Variants in GABRA3 observed in about 807,000 individuals in gnomAD.
GABRA3 encodes gamma-aminobutyric acid receptor subunit alpha-3.
A neutral mutation model predicts 30.1 loss-of-function variants in GABRA3; 10 were observed. The ratio of observed to expected loss-of-function variants is 0.33; its 90% confidence interval spans 0.20 to 0.56. The LOEUF is 0.56. Ranked by LOEUF, GABRA3 falls within the 20% of genes least tolerant of loss-of-function variation. The probability of loss-of-function intolerance (pLI) is 0.89; values close to 1 mark genes in which losing one functional copy is unlikely to be tolerated. For synonymous variants in GABRA3, 151 were observed against 146.8 expected, an observed-to-expected ratio of 1.03 and a Z score of -0.21; for missense variants, 233 against 392.0, an observed-to-expected ratio of 0.59 and a Z score of 3.42.
intron 1 of GABRA3, among the ~76,000 whole-genome samples, chrX:152,404,487 T>A (rs1173431807): frequency 9.1e-6 from 1 of 110,178 alleles, no homozygotes; most frequent in Non-Finnish European, 1.9e-5. Context: ...GAAAGGGACA[T>A]CCCAGAAAGA....
Position 152,213,410 on chromosome X carries a change from CATGCT to C in GABRA3, c.635-5271_635-5267del, listed in dbSNP as rs752996507. Among the ~76,000 whole-genome samples the C allele has an allele frequency of 9.7e-3, 1,079 of 111,228 alleles. 7 individuals are homozygous for C. Among genetic ancestry groups the C allele is most frequent in the African/African-American group, 0.034 (1,032 of 30,589 alleles). On this transcript the variant is annotated intron_variant, in intron 6 of 9. Coordinates refer to ENST00000370314, the MANE Select transcript of GABRA3 (RefSeq NM_000808.4). ...TAAATAATATAGTAACAGAGTGATG[CATGCT>C]ATGAAGAAAATAGAGTTACAGGGTG...
At chrX:152,278,459 A>G (rs1211061778) in intron 4 of GABRA3, among the ~76,000 whole-genome samples, 2 of 111,408 alleles carry the variant, frequency 1.8e-5, no homozygotes, top group African/African-American at 6.5e-5. Context: ...TTATGGCTGC[A>G]TAGTATTCCA....
chrX:152,419,267 T>C (rs1011578967), intron 1 of GABRA3, among the ~76,000 whole-genome samples: 7 of 110,824 alleles, frequency 6.3e-5, no homozygotes, highest in African/African-American at 2.3e-4. Flanking sequence ...GTTGTGCACA[T>C]GTACCCTAAA....
chrX:152,271,479 G>C (rs144127836), intron 4 of GABRA3, among the ~76,000 whole-genome samples: 59 of 112,238 alleles, frequency 5.3e-4, no homozygotes, highest in African/African-American at 1.8e-3. Flanking sequence ...TAGTGTATCT[G>C]GCAGAAGAAA....
chrX:152,372,166 G>GA (rs201468751), intron 1 of GABRA3, among the ~76,000 whole-genome samples: 2,923 of 110,163 alleles, frequency 0.027, 37 homozygotes, highest in South Asian at 0.062. Context: ...GGGGTTTTTA[G>GA]AAAAAAAAAT....
intron 5 of GABRA3, among the ~76,000 whole-genome samples, chrX:152,247,647 C>T (rs1938480595): frequency 9.0e-6 from 1 of 111,499 alleles, no homozygotes; most frequent in African/African-American, 3.3e-5. Context: ...CATGCCTTAT[C>T]GCATTCACTT....
At chrX:152,289,471 CT>C (rs1218533737) in intron 3 of GABRA3, among the ~76,000 whole-genome samples, 104 of 103,435 alleles carry the variant, frequency 1.0e-3, no homozygotes, top group African/African-American at 1.5e-3. Flanking sequence ...TGTCTCCCTT[CT>C]TTTTTTTTTT....
At chrX:152,327,168 T>G (rs1432686995) in intron 3 of GABRA3, among the ~76,000 whole-genome samples, 1 of 111,192 alleles carries the variant, frequency 9.0e-6, no homozygotes, top group African/African-American at 3.3e-5. Context: ...TAAATATATA[T>G]GCACCCAATA....
intron 7 of GABRA3, among the ~76,000 whole-genome samples, chrX:152,201,562 T>G (rs1331035148): frequency 1.8e-5 from 2 of 111,719 alleles, no homozygotes; most frequent in African/African-American, 6.5e-5. Flanking sequence ...TTTAAGTGAT[T>G]TGGGGGAATT....
chrX:152,296,837 T>C (rs1225640801), intron 3 of GABRA3, among the ~76,000 whole-genome samples: 1 of 109,826 alleles, frequency 9.1e-6, no homozygotes, highest in East Asian at 2.9e-4. Flanking sequence ...GTAGCCGGGA[T>C]TACAGGCACC....
chrX:152,347,096 T>C (rs183614714), intron 2 of GABRA3, among the ~76,000 whole-genome samples: 1 of 111,928 alleles, frequency 8.9e-6, no homozygotes, highest in Non-Finnish European at 1.9e-5. Flanking sequence ...AACCTAAATA[T>C]CCATAGTAGA....
intron 4 of GABRA3, among the ~76,000 whole-genome samples, chrX:152,258,726 T>C (rs1363101348): frequency 8.9e-6 from 1 of 111,913 alleles, no homozygotes; most frequent in Non-Finnish European, 1.9e-5. Flanking sequence ...CCACCACTTA[T>C]GTTGACTTCT....
rs773459861 is a variant in GABRA3, at chrX:152,278,592, C to G, written c.330+6076G>C. On this transcript the variant is annotated intron_variant, in intron 4 of 9. Transcript: ENST00000370314. ...CATACATGTGCATGTGTCTTTATAGCAGTATGATGTATATTCCTTTGGGTA... is the reference window on the plus strand; with the variant it reads ...CATACATGTGCATGTGTCTTTATAGGAGTATGATGTATATTCCTTTGGGTA... 2.7e-5 allele frequency among the ~76,000 whole-genome samples: 3 copies of G among 111,533 alleles called. No homozygotes were observed. The South Asian group carries it at 1.1e-3, about 42-fold the overall frequency.
chrX:152,386,975 T>C (rs1042251567), intron 1 of GABRA3, among the ~76,000 whole-genome samples: 1 of 106,637 alleles, frequency 9.4e-6, no homozygotes, highest in Non-Finnish European at 1.9e-5. Context: ...CCATAAAAAA[T>C]GATGAGTTCA....
intron 4 of GABRA3, among the ~76,000 whole-genome samples, chrX:152,282,820 T>C (rs777017621): frequency 1.8e-5 from 2 of 111,588 alleles, no homozygotes; most frequent in Non-Finnish European, 3.8e-5. Flanking sequence ...ATGCCTAGAA[T>C]AGTGTGTGGG....
chrX:152,180,116 T>C (rs1569347376), intron 9 of GABRA3, among the ~76,000 whole-genome samples: 1 of 111,951 alleles, frequency 8.9e-6, no homozygotes, highest in Non-Finnish European at 1.9e-5. Flanking sequence ...TTTCTATTTT[T>C]AATTTTTTCA....
chrX:152,359,106 T>G (rs1049897273), intron 2 of GABRA3, among the ~76,000 whole-genome samples: 23 of 111,844 alleles, frequency 2.1e-4, no homozygotes, highest in African/African-American at 7.2e-4. Context: ...CCTCCTCAGT[T>G]ATTTGGAATA....
At chrX:152,421,125 A>AT (rs1930362272) in intron 1 of GABRA3, among the ~76,000 whole-genome samples, 1 of 109,405 alleles carries the variant, frequency 9.1e-6, no homozygotes, top group South Asian at 4.0e-4. Flanking sequence ...ACACACACAC[A>AT]CACACACAAG....
At chrX:152,404,319 T>G (rs2124524700) in intron 1 of GABRA3, among the ~76,000 whole-genome samples, 1 of 110,853 alleles carries the variant, frequency 9.0e-6, no homozygotes, top group Middle Eastern at 4.6e-3. Flanking sequence ...ACCTTGAAAC[T>G]TAAGAAACAA....
Sources: gnomAD v4.1 joint callset for allele counts (sites outside exome capture counted in the v4.1 genomes callset) on GRCh38, gnomAD v4.1.1 for gene constraint, MANE v1.5 for transcripts, NCBI Gene and HGNC (gene_info 2026-07-23, HGNC 2026-07-21) for gene names.